The following SLC67A1 variants were observed in gnomAD, a reference collection of about 807,000 sequenced individuals.
SLC67A1 encodes the protein solute carrier family 67 member A1.
At chr11:2,900,614 A>G in the SLC67A1 span, among the ~76,000 whole-genome samples, 1 of 144,080 alleles carries the variant, frequency 6.9e-6, no homozygotes, top group African/African-American at 2.6e-5. Context: ...AATGGCGTGA[A>G]CCCGGGAGGC....
chr11:2,915,389 G>T, the SLC67A1 span: 12 of 297,000 alleles, frequency 4.0e-5, no homozygotes, highest in Admixed American at 5.2e-4. Flanking sequence ...CTTGTTTTTG[G>T]GTGCAAGGGC....
the SLC67A1 span, among the ~76,000 whole-genome samples, chr11:2,900,268 G>A: frequency 2.6e-5 from 4 of 152,200 alleles, no homozygotes; most frequent in Admixed American, 2.6e-4. Context: ...ATCCCCTCGA[G>A]CGGTACACTG....
chr11:2,921,052 C>T, the SLC67A1 span: 1 of 119,086 alleles, frequency 8.4e-6, no homozygotes, highest in Non-Finnish European at 1.7e-5. Context: ...AACCCCGTCT[C>T]TACCAAAAAT....
At chr11:2,919,296 C>A in the SLC67A1 span, 11 of 1,607,536 alleles carry the variant, frequency 6.8e-6, no homozygotes, top group South Asian at 1.1e-4. Flanking sequence ...TGTTCCCCTG[C>A]CCCGGCTCAG....
the SLC67A1 span, chr11:2,925,240 C>G: frequency 6.4e-7 from 1 of 1,568,128 alleles, no homozygotes; most frequent in Non-Finnish European, 8.7e-7. The surrounding 1 kb of genome is among the most constrained non-coding windows in gnomAD (Gnocchi z 6.5). Context: ...CTACTAAATC[C>G]CTCCGACCTC....
the SLC67A1 span, chr11:2,916,748 C>T: frequency 2.5e-6 from 4 of 1,608,820 alleles, no homozygotes; most frequent in African/African-American, 1.3e-5. Flanking sequence ...CAGGTAAGCC[C>T]CGCCAGGTAC....
At chr11:2,924,976 G>T in the SLC67A1 span, 2 of 1,571,706 alleles carry the variant, frequency 1.3e-6, no homozygotes, top group Non-Finnish European at 1.7e-6. The surrounding 1 kb of genome is among the most constrained non-coding windows in gnomAD (Gnocchi z 8.6). Context: ...CCAGGGAGCT[G>T]CCCAGGGCCT....
the SLC67A1 span, among the ~76,000 whole-genome samples, chr11:2,907,121 G>A: frequency 6.6e-6 from 1 of 151,542 alleles, no homozygotes; most frequent in Non-Finnish European, 1.5e-5. This position sits in a 1 kb window ranked among gnomAD's most constrained non-coding sequence, Gnocchi z 6.7. Context: ...CCTTGGGACT[G>A]AAGTGCTCTG....
chr11:2,903,171 C>T, the SLC67A1 span: 1 of 1,441,292 alleles, frequency 6.9e-7, no homozygotes, highest in Non-Finnish European at 9.1e-7. Context: ...AGCAGGAGAG[C>T]TCCACTGGGG....
the SLC67A1 span, chr11:2,909,629 C>T: frequency 1.3e-6 from 2 of 1,533,794 alleles, no homozygotes; most frequent in African/African-American, 1.4e-5. Flanking sequence ...CGGCCCGCGG[C>T]CCTGGGCCGG....
chr11:2,900,585 C>T, the SLC67A1 span, among the ~76,000 whole-genome samples: 34 of 148,176 alleles, frequency 2.3e-4, no homozygotes, highest in East Asian at 4.7e-3. Context: ...CCCAGCTACT[C>T]GGGAGGCTGA....
chr11:2,918,716 C>T, the SLC67A1 span, among the ~76,000 whole-genome samples: 2 of 7,358 alleles, frequency 2.7e-4, no homozygotes, highest in Admixed American at 3.3e-3. Context: ...CTTTGAGGGC[C>T]CTTTTTTTTT....
At chr11:2,913,424 G>GGT in the SLC67A1 span, among the ~76,000 whole-genome samples, 1 of 152,168 alleles carries the variant, frequency 6.6e-6, no homozygotes, top group South Asian at 2.1e-4. Context: ...GAGGGAGCTT[G>GGT]TGGTTTGGTT....
the SLC67A1 span, chr11:2,909,090 C>G: frequency 1.5e-5 from 17 of 1,113,004 alleles, no homozygotes; most frequent in Non-Finnish European, 2.1e-5. Context: ...CCATCCCCAT[C>G]CCGCACTCCA....
the SLC67A1 span, chr11:2,899,780 C>A: frequency 7.2e-7 from 1 of 1,387,190 alleles, no homozygotes; most frequent in African/African-American, 1.5e-5. Flanking sequence ...CTACCTGAGG[C>A]CCTGCTTCAC....
chr11:2,919,249 G>A, the SLC67A1 span: 1 of 1,277,322 alleles, frequency 7.8e-7, no homozygotes, highest in East Asian at 2.3e-5. Context: ...CGGGAGGGAG[G>A]TGGGCGCCAA....
the SLC67A1 span, among the ~76,000 whole-genome samples, chr11:2,906,534 C>A: frequency 1.3e-5 from 2 of 152,144 alleles, no homozygotes; most frequent in Admixed American, 1.3e-4. Context: ...GAATACTATG[C>A]AGCCATAAAA....
chr11:2,911,540 C>T, the SLC67A1 span, among the ~76,000 whole-genome samples: 1 of 152,094 alleles, frequency 6.6e-6, no homozygotes, highest in African/African-American at 2.4e-5. Context: ...GCACTGGGCC[C>T]CAGCAGGTGG....
the SLC67A1 span, chr11:2,903,256 C>T: frequency 6.4e-7 from 1 of 1,554,904 alleles, no homozygotes; most frequent in South Asian, 1.2e-5. Flanking sequence ...TGACTCAGCA[C>T]CCCTGCCCGG....
Sources: allele counts gnomAD v4.1 joint callset (sites outside exome capture counted in the v4.1 genomes callset), GRCh38; gene constraint gnomAD v4.1.1; non-coding constraint Gnocchi (gnomAD v3.1); transcripts MANE v1.5; gene names NCBI Gene and HGNC (gene_info 2026-07-23, HGNC 2026-07-21).